ADAM7: variants seen among roughly 807,000 people sequenced by gnomAD.
The protein encoded by ADAM7 is disintegrin and metalloproteinase domain-containing protein 7.
In ADAM7, 97 loss-of-function variants were observed where a neutral mutation model predicts 102.9. The observed-to-expected ratio is 0.94, with a 90% CI of 0.80 to 1.12. ADAM7 has a LOEUF of 1.12. Among genes scored for constraint, ADAM7 ranks in the 50% most tolerant of loss-of-function variants. ADAM7 has a pLI of 0.00. For synonymous variants in ADAM7, 334 were observed against 304.4 expected (o/e 1.10, Z -1.01); for missense variants, 991 against 908.7 (o/e 1.09, Z -1.16).
At chr8:24,489,548 G>T (rs1443802783) in intron 12 of ADAM7, among the ~76,000 whole-genome samples, 1 of 152,104 alleles carries the variant, frequency 6.6e-6, no homozygotes, top group African/African-American at 2.4e-5. Context: ...TAATGACCTT[G>T]CTGGAGATCA....
chr8:24,442,076 AG>A (rs1205612150), intron 1 of ADAM7, among the ~76,000 whole-genome samples: 5 of 152,204 alleles, frequency 3.3e-5, no homozygotes, highest in African/African-American at 9.6e-5. Flanking sequence ...TGGGAGGCTG[AG>A]GTGGAAGAAT....
At chr8:24,441,658 A>C (rs1818376914) in intron 1 of ADAM7, among the ~76,000 whole-genome samples, 2 of 152,182 alleles carry the variant, frequency 1.3e-5, no homozygotes, top group Non-Finnish European at 2.9e-5. Context: ...CTCACAGATG[A>C]CTATCAAGGT....
chr8:24,463,969 T>C lies in ADAM7; in HGVS notation c.312+9T>C, dbSNP rs376626403. On this transcript the variant is annotated intron_variant, in intron 4 of 21. Coordinates refer to ENST00000175238, the MANE Select transcript of ADAM7 (RefSeq NM_003817.4). ...GGCATCCTCAGATCATGGTATCTTA[T>C]GGAACTTTACTGTGTCTCTTCTCTA... 1.1e-4 allele frequency: 184 copies of C among 1,606,420 alleles called. 2 individuals carry two copies. In the African/African-American group the frequency reaches 2.0e-3, roughly 17 times the overall value.
intron 7 of ADAM7, 99 bp downstream of exon 7, chr8:24,468,919 T>C (rs1422066508): frequency 1.7e-6 from 2 of 1,156,970 alleles, no homozygotes; most frequent in East Asian, 4.9e-5. Flanking sequence ...CAGAGTTCTA[T>C]TCTAGGCTCA....
chr8:24,454,950 G>T (rs568050513), intron 3 of ADAM7, among the ~76,000 whole-genome samples: 2 of 152,078 alleles, frequency 1.3e-5, no homozygotes, highest in East Asian at 1.9e-4. Context: ...TTTTCTGTTC[G>T]CTATAATAAA....
At chr8:24,474,577 A>C (rs7823702) in intron 7 of ADAM7, among the ~76,000 whole-genome samples, 3,607 of 152,178 alleles carry the variant, frequency 0.024, 144 homozygotes, top group African/African-American at 0.082. Context: ...TATTAATGAT[A>C]TATATGATAG....
intron 19 of ADAM7, 32 bp downstream of exon 19, chr8:24,500,927 G>C: frequency 6.5e-7 from 1 of 1,541,094 alleles, no homozygotes; most frequent in South Asian, 1.1e-5. Flanking sequence ...TGTTGAAGAA[G>C]GGAATTGTTA....
At chr8:24,448,494 T>G (rs939949932) in intron 3 of ADAM7, among the ~76,000 whole-genome samples, 1 of 152,148 alleles carries the variant, frequency 6.6e-6, no homozygotes, top group African/African-American at 2.4e-5. Flanking sequence ...TAAATGAATT[T>G]AGTGCATACC....
In ADAM7 at chr8:24,446,705, C is replaced by T. The variant is rs956387852; in HGVS notation, c.157-481C>T. On this transcript the variant is annotated intron_variant, in intron 2 of 21. Transcript: ENST00000175238. ...ACGAAAAAACAGTATGTATAAAAAT[C>T]GCTTTAAAAATGCGTGAACAGGATA... Among the ~76,000 whole-genome samples, 5 of 151,884 alleles carry T rather than the reference C, an allele frequency of 3.3e-5. No individual in the cohort carries two copies. The South Asian group carries it at 6.2e-4, about 19-fold the overall frequency.
chr8:24,457,889 T>TGTGTGC (rs1266232834), intron 3 of ADAM7, among the ~76,000 whole-genome samples: 2 of 151,886 alleles, frequency 1.3e-5, no homozygotes, highest in African/African-American at 2.4e-5. Flanking sequence ...TGTGTGTGTG[T>TGTGTGC]GTAATTTGCT....
intron 7 of ADAM7, among the ~76,000 whole-genome samples, chr8:24,470,583 A>G (rs1199349741): frequency 6.6e-6 from 1 of 152,156 alleles, no homozygotes; most frequent in Non-Finnish European, 1.5e-5. Context: ...AATAGACCAC[A>G]TATATGAAAG....
chr8:24,441,547 T>C (rs1818373157), intron 1 of ADAM7, among the ~76,000 whole-genome samples: 1 of 152,204 alleles, frequency 6.6e-6, no homozygotes, highest in Non-Finnish European at 1.5e-5. Flanking sequence ...ACACAATAAA[T>C]TGGTAAAGGC....
chr8:24,487,159 A>T, intron 10 of ADAM7, 28 bp from the exon 11 acceptor site: 3 of 1,609,220 alleles, frequency 1.9e-6, no homozygotes, highest in Non-Finnish European at 1.7e-6. Context: ...ACTTTTGAAA[A>T]TTTCTAATGC....
intron 3 of ADAM7, among the ~76,000 whole-genome samples, chr8:24,461,227 C>T (rs1018513770): frequency 5.9e-5 from 9 of 152,010 alleles, no homozygotes; most frequent in African/African-American, 9.7e-5. Context: ...CTCCTGATCT[C>T]GTGATCCACC....
Position 24,490,754 on chromosome 8 carries a change from A to G in ADAM7, c.1267-45A>G, listed in dbSNP as rs1306310561. On this transcript the variant is annotated intron_variant, in intron 12 of 21. Transcript: ENST00000175238. Reference sequence around the variant, plus strand: ...CTAATTAATTCTTCAAACAGGAGTCAGAGTACATACCAATTTCTCATCTCT... The same window carrying G: ...CTAATTAATTCTTCAAACAGGAGTCGGAGTACATACCAATTTCTCATCTCT... The G allele has an allele frequency of 2.5e-6, 4 of 1,575,406 alleles. No homozygotes were observed. The African/African-American group carries it at 5.4e-5, about 21-fold the overall frequency.
intron 3 of ADAM7, among the ~76,000 whole-genome samples, chr8:24,449,105 A>G (rs935712242): frequency 4.7e-4 from 72 of 152,318 alleles, no homozygotes; most frequent in African/African-American, 1.3e-3. Flanking sequence ...TAGAGCCGCA[A>G]TAAACATACT....
At chr8:24,496,945 G>C (rs1024763103) in intron 16 of ADAM7, among the ~76,000 whole-genome samples, 34 of 152,112 alleles carry the variant, frequency 2.2e-4, no homozygotes, top group Non-Finnish European at 4.4e-4. Flanking sequence ...ATGAGATTTG[G>C]GAGGGGCCAG....
rs975950146 is a variant in ADAM7 at position 24,487,336 on chromosome 8, A to G, written c.1091+19A>G. The G allele has an allele frequency of 1.4e-5, 22 of 1,611,946 alleles. No individual in the cohort carries two copies. Among genetic ancestry groups the G allele is most frequent in the African/African-American group, 2.7e-5 (2 of 74,814 alleles). Reference sequence around the variant, plus strand: ...ATGGAAGGTGAGATTCGAACAATGTACAGAATACACTTACATAATTCAGAA... The same window carrying G: ...ATGGAAGGTGAGATTCGAACAATGTGCAGAATACACTTACATAATTCAGAA... On this transcript the variant is annotated intron_variant, in intron 11 of 21. Transcript: ENST00000175238.
intron 3 of ADAM7, among the ~76,000 whole-genome samples, chr8:24,453,923 C>T (rs952685184): frequency 6.6e-6 from 1 of 152,352 alleles, no homozygotes; most frequent in East Asian, 1.9e-4. Flanking sequence ...CCACTCCAGA[C>T]CTGTTTGCCT....
Sources: gnomAD v4.1 joint callset for allele counts (sites outside exome capture counted in the v4.1 genomes callset) on GRCh38, gnomAD v4.1.1 for gene constraint, MANE v1.5 for transcripts, NCBI Gene and HGNC (gene_info 2026-07-23, HGNC 2026-07-21) for gene names.